HECW2: variants seen among roughly 807,000 people sequenced by gnomAD.
The protein encoded by HECW2 is HECT, C2 and WW domain containing E3 ubiquitin protein ligase 2.
In HECW2, 61 loss-of-function variants were observed where a neutral mutation model predicts 175.2. That is an observed-to-expected ratio of 0.35 (90% CI 0.28 to 0.43). HECW2 has a LOEUF of 0.43. Ranked by LOEUF, HECW2 falls within the 20% of genes least tolerant of loss-of-function variation. HECW2 has a pLI of 1.00. For synonymous variants in HECW2, 671 were observed against 731.0 expected (o/e 0.92, Z 1.32); for missense variants, 1,524 against 2,000.5 (o/e 0.76, Z 4.54).
intron 19 of HECW2, among the ~76,000 whole-genome samples, chr2:196,243,675 G>A (rs1688546982): frequency 6.6e-6 from 1 of 151,912 alleles, no homozygotes; most frequent in Non-Finnish European, 1.5e-5. Flanking sequence ...TGTCTCCTGA[G>A]TTCAAGCGAT....
At chr2:196,577,638 A>G (rs183984546) in intron 1 of HECW2, among the ~76,000 whole-genome samples, 231 of 152,306 alleles carry the variant, frequency 1.5e-3, no homozygotes, top group African/African-American at 5.2e-3. Context: ...GGATGTGTGC[A>G]AGCAGTAAGT....
intron 2 of HECW2, among the ~76,000 whole-genome samples, chr2:196,370,902 A>AG (rs1489973628): frequency 6.6e-6 from 1 of 152,114 alleles, no homozygotes; most frequent in Non-Finnish European, 1.5e-5. Flanking sequence ...GCTGGAGGAT[A>AG]GGGGGGATGC....
chr2:196,199,322 CT>C lies in HECW2; in HGVS notation c.*1954del, dbSNP rs1171841769. On this transcript the variant is annotated 3_prime_UTR_variant, in exon 29 of 29. Transcript: ENST00000644978. ...CTAACATTTCCAGTTAAAAGTTTTT[CT>C]TTTTTTCTCTTCCAATTATAGAATA... 1.3e-5 allele frequency: 2 copies of C among 152,480 alleles called. No homozygotes were observed. Among genetic ancestry groups the C allele is most frequent in the South Asian group, 4.1e-4 (2 of 4,822 alleles). The allele number at this position is 152,480 out of a possible 1,614,324, so 9.4% of individuals were successfully genotyped here.
At chr2:196,358,391 T>C (rs1002818318) in intron 2 of HECW2, among the ~76,000 whole-genome samples, 1 of 151,486 alleles carries the variant, frequency 6.6e-6, no homozygotes, top group African/African-American at 2.4e-5. Flanking sequence ...CTGACCAACA[T>C]GATGAAACCC....
intron 1 of HECW2, among the ~76,000 whole-genome samples, chr2:196,541,562 T>C (rs1305461278): frequency 6.6e-6 from 1 of 152,140 alleles, no homozygotes; most frequent in African/African-American, 2.4e-5. Context: ...GTATGGCTTC[T>C]GCAAGAAAGC....
chr2:196,548,505 C>T (rs1384237894), intron 1 of HECW2, among the ~76,000 whole-genome samples: 1 of 152,100 alleles, frequency 6.6e-6, no homozygotes, highest in East Asian at 1.9e-4. Context: ...ATCCTTGCTC[C>T]CAGCCTTCAG....
chr2:196,414,404 A>G (rs1005848462), intron 2 of HECW2, among the ~76,000 whole-genome samples: 1 of 152,232 alleles, frequency 6.6e-6, no homozygotes, highest in Non-Finnish European at 1.5e-5. Context: ...AGTATGTGTT[A>G]GGATCTTCTC....
chr2:196,272,193 G>T (rs1297696272), intron 16 of HECW2, among the ~76,000 whole-genome samples: 1 of 152,100 alleles, frequency 6.6e-6, no homozygotes, highest in African/African-American at 2.4e-5. Context: ...ACTCTACGTG[G>T]AAATAAATGC....
chr2:196,362,480 C>A (rs1166031058), intron 2 of HECW2, among the ~76,000 whole-genome samples: 3 of 152,116 alleles, frequency 2.0e-5, no homozygotes, highest in Non-Finnish European at 2.9e-5. Context: ...AGAACTCCAA[C>A]TTACCATTAC....
In HECW2 at chr2:196,316,299, CT is replaced by C. The variant is rs568486026; in HGVS notation, c.2434+974del. ...AAACTCTTCATAGTACCATTCAGCT[CT>C]TTTGTCACTACTTGCCAGACTAATC... On this transcript the variant is annotated intron_variant, in intron 10 of 28. Transcript: ENST00000644978. 5 of 152,322 alleles carry C rather than the reference CT, an allele frequency of 3.3e-5. No homozygotes were observed. In the South Asian group the frequency reaches 8.3e-4, roughly 25 times the overall value. 9.4% of individuals were successfully genotyped at this position (152,322 alleles called of 1,614,324 possible). A position where few individuals can be genotyped will look rare whatever the true frequency, so the allele number is the denominator to read the frequency against.
chr2:196,303,337 A>G (rs947563527), intron 13 of HECW2, among the ~76,000 whole-genome samples: 1 of 152,328 alleles, frequency 6.6e-6, no homozygotes, highest in Admixed American at 6.5e-5. Context: ...TTTTGCATCA[A>G]TGCTCATCAA....
At chr2:196,418,098 A>C (rs1024707446) in intron 2 of HECW2, among the ~76,000 whole-genome samples, 9 of 152,014 alleles carry the variant, frequency 5.9e-5, no homozygotes, top group African/African-American at 9.7e-5. Context: ...CCAAAAAAGC[A>C]GTACTTAATT....
At chr2:196,393,210 G>T (rs1278617724) in intron 2 of HECW2, among the ~76,000 whole-genome samples, 1 of 152,242 alleles carries the variant, frequency 6.6e-6, no homozygotes, top group South Asian at 2.1e-4. Flanking sequence ...GAAAACCTAA[G>T]CAATACCATT....
At position 196,253,927 on chromosome 2, in the gene HECW2, G is replaced by T. The variant is rs1403869413; in HGVS notation, c.3522C>A (p.Asn1174Lys). 6.2e-7 allele frequency: 1 copy of T among 1,613,836 alleles called. No individual in the cohort carries two copies. ...AGCAGCAGGTGGACTCACCTGGCGA[G>T]TTCTGAGGAGATGACACGGGAGAGC... ...PRGSPVSSPQ[N>K]SPGTQRANAR... Residue 1174 changes from asparagine (N) to lysine (K), a missense_variant, in exon 19 of 29, where the codon AAC becomes AAA. Physicochemically the swap from Asn to Lys is moderately conservative, Grantham distance 94. Coordinates refer to ENST00000644978, the MANE Select transcript of HECW2 (RefSeq NM_001348768.2).
chr2:196,436,262 G>A (rs1029962635), intron 1 of HECW2, among the ~76,000 whole-genome samples: 7 of 152,158 alleles, frequency 4.6e-5, no homozygotes, highest in South Asian at 2.1e-4. Flanking sequence ...TTAGCCAGGC[G>A]TGGTGGCGGG....
intron 1 of HECW2, among the ~76,000 whole-genome samples, chr2:196,452,698 G>GGTGGT: frequency 6.6e-6 from 1 of 152,082 alleles, no homozygotes; most frequent in East Asian, 1.9e-4. Context: ...CTGCATGGAG[G>GGTGGT]GTGGTGGAGG....
chr2:196,376,732 G>A lies in HECW2; in HGVS notation c.293-32968C>T, dbSNP rs79008678. 7.1e-4 allele frequency among the ~76,000 whole-genome samples: 107 copies of A among 151,482 alleles called. 2 individuals are homozygous for A. In the East Asian group the frequency reaches 9.9e-3, roughly 14 times the overall value. The stretch of plus-strand genomic sequence containing the variant: ...CGGATCAACCTGAGGTCAGGAGTTC[G>A]AGACCAGCCTGACCAATACGATGAA... On this transcript the variant is annotated intron_variant, in intron 2 of 28. Coordinates refer to ENST00000644978, the MANE Select transcript of HECW2 (RefSeq NM_001348768.2).
chr2:196,490,268 G>T (rs1053369948), intron 1 of HECW2, among the ~76,000 whole-genome samples: 1 of 152,088 alleles, frequency 6.6e-6, no homozygotes, highest in African/African-American at 2.4e-5. Flanking sequence ...ATTAAAAGAG[G>T]GGTTATTCAA....
At chr2:196,555,956 G>A (rs1005049087) in intron 1 of HECW2, among the ~76,000 whole-genome samples, 55 of 152,080 alleles carry the variant, frequency 3.6e-4, no homozygotes, top group Non-Finnish European at 2.9e-5. Flanking sequence ...CCTCCACCAC[G>A]TCCTTATGTG....
Sources: allele counts gnomAD v4.1 joint callset (sites outside exome capture counted in the v4.1 genomes callset), GRCh38; gene constraint gnomAD v4.1.1; transcripts MANE v1.5; gene names NCBI Gene and HGNC (gene_info 2026-07-23, HGNC 2026-07-21).